IL19: variants seen among roughly 807,000 people sequenced by gnomAD.
IL19 encodes the protein interleukin-19.
A neutral mutation model predicts 19.5 loss-of-function variants in IL19; 15 were observed. The ratio of observed to expected loss-of-function variants is 0.77; its 90% confidence interval spans 0.52 to 1.19. The LOEUF (loss-of-function observed/expected upper bound fraction) is 1.19, where lower values mean the gene tolerates loss of function less well. IL19 is among the 50% of genes most tolerant of loss of function. IL19 has a pLI of 0.00. For missense variants in IL19, 199 were observed against 213.1 expected, an observed-to-expected ratio of 0.93 and a Z score of 0.41; for synonymous variants, 78 against 78.3, an observed-to-expected ratio of 1.00 and a Z score of 0.02.
At chr1:206,800,644 T>A (rs1449818322) in intron 2 of IL19, among the ~76,000 whole-genome samples, 2 of 152,140 alleles carry the variant, frequency 1.3e-5, no homozygotes, top group African/African-American at 4.8e-5. Flanking sequence ...ACAGGAATGA[T>A]GGTGATCAAG....
chr1:206,798,954 G>A lies in IL19; in HGVS notation c.-55G>A, dbSNP rs1675602744. 6.2e-7 allele frequency: 1 copy of A among 1,613,862 alleles called. No individual in the cohort carries two copies. The highest frequency in any genetic ancestry group is 8.5e-7 in the Non-Finnish European group (1 of 1,179,892). ...CGTGTTCCTTACCACTCACACATGTGCACACACATATCCATGTGTGTGTGC... is the reference window on the plus strand; with the variant it reads ...CGTGTTCCTTACCACTCACACATGTACACACACATATCCATGTGTGTGTGC... On this transcript the variant is annotated 5_prime_UTR_variant, in exon 2 of 7. Coordinates refer to ENST00000659997, the MANE Select transcript of IL19 (RefSeq NM_153758.5).
rs760571248 is a variant in IL19 at position 206,836,806 on chromosome 1, C to G, written c.144C>G (p.Ile48Met). 3.1e-6 allele frequency: 5 copies of G among 1,614,086 alleles called. No homozygotes were observed. The highest frequency in any genetic ancestry group is 3.4e-6 in the Non-Finnish European group (4 of 1,179,998). The change falls in exon 3 of 7, where the codon ATC (isoleucine) becomes ATG (methionine). Residue 48 changes from isoleucine to methionine, a missense_variant and splice_region_variant. Coordinates refer to ENST00000659997, the MANE Select transcript of IL19 (RefSeq NM_153758.5). ...GTTTCCAAGAAATCAAAAGAGCCAT[C>G]GTGAGTATGGGTTGGTGTAAAGGTG... ...EESFQEIKRA[I>M]QAKDTFPNVT...
At chr1:206,834,720 T>C (rs1298436916) in intron 2 of IL19, among the ~76,000 whole-genome samples, 1 of 152,212 alleles carries the variant, frequency 6.6e-6, no homozygotes, top group Non-Finnish European at 1.5e-5. Context: ...TTTAATCCTT[T>C]GCAATGTGAA....
At chr1:206,797,176 T>A (rs898220227) in intron 1 of IL19, among the ~76,000 whole-genome samples, 10 of 152,218 alleles carry the variant, frequency 6.6e-5, no homozygotes, top group African/African-American at 2.4e-4. Flanking sequence ...TTAAGTCACT[T>A]GTCCGGGGTC....
chr1:206,833,113 A>G (rs566222529), intron 2 of IL19, among the ~76,000 whole-genome samples: 1 of 152,338 alleles, frequency 6.6e-6, no homozygotes, highest in Non-Finnish European at 1.5e-5. Flanking sequence ...CAAAATTACA[A>G]CACATTTAGT....
At chr1:206,840,305 C>T (rs187133976) in intron 5 of IL19, 2 of 494,668 alleles carry the variant, frequency 4.0e-6, no homozygotes, top group African/African-American at 1.9e-5. Flanking sequence ...GTAAGCATAC[C>T]CCTGGTTTCT....
intron 2 of IL19, among the ~76,000 whole-genome samples, chr1:206,809,701 G>T (rs2102466655): frequency 6.6e-6 from 1 of 152,308 alleles, no homozygotes. Flanking sequence ...GTAGCAGCCT[G>T]GGTGCATTAG....
intron 5 of IL19, chr1:206,840,760 G>A: frequency 3.9e-6 from 2 of 511,162 alleles, no homozygotes; most frequent in East Asian, 3.2e-5. Context: ...CAGATATGGT[G>A]CCTGCTTTCC....
intron 1 of IL19, among the ~76,000 whole-genome samples, chr1:206,786,214 A>G (rs773614476): frequency 5.9e-5 from 9 of 152,354 alleles, no homozygotes; most frequent in East Asian, 1.9e-4. Flanking sequence ...AATGCTTGTC[A>G]TAGTGCACGG....
At chr1:206,834,290 C>A (rs1042728176) in intron 2 of IL19, 201 of 985,426 alleles carry the variant, frequency 2.0e-4, no homozygotes, top group Non-Finnish European at 2.3e-4. Context: ...ACCCAGCAAA[C>A]CTTGACAGCA....
chr1:206,796,130 A>G (rs550751612), intron 1 of IL19, among the ~76,000 whole-genome samples: 16 of 152,254 alleles, frequency 1.1e-4, no homozygotes, highest in South Asian at 4.1e-4. Context: ...CCTAAGAACC[A>G]GAAGCTCCCA....
chr1:206,818,559 G>A (rs974195564), intron 2 of IL19, among the ~76,000 whole-genome samples: 1 of 152,210 alleles, frequency 6.6e-6, no homozygotes, highest in Admixed American at 6.5e-5. Context: ...GTGGGTGAGA[G>A]GGTAGGAGAA....
At chr1:206,826,613 G>T (rs920352294) in intron 2 of IL19, among the ~76,000 whole-genome samples, 1 of 152,188 alleles carries the variant, frequency 6.6e-6, no homozygotes, top group African/African-American at 2.4e-5. Flanking sequence ...GGGCTCTGGG[G>T]TGAAGCCCTC....
chr1:206,827,563 G>A lies in IL19; in HGVS notation c.-2-9098G>A, dbSNP rs537296350. ...AAATTAGCCAGGCGAGGTGGTGGGC[G>A]CCTGTAGTCCCAGCTACTCGGGAGG... On this transcript the variant is annotated intron_variant, in intron 2 of 6. Transcript: ENST00000659997. Among the ~76,000 whole-genome samples the A allele has an allele frequency of 2.6e-5, 4 of 152,102 alleles. No homozygotes were observed. In the South Asian group the frequency reaches 6.2e-4, roughly 24 times the overall value.
intron 2 of IL19, among the ~76,000 whole-genome samples, chr1:206,804,904 A>G (rs61814960): frequency 0.15 from 22,914 of 152,250 alleles, 2,380 homozygotes; most frequent in Non-Finnish European, 0.23. Flanking sequence ...TGAATCCCAG[A>G]GAAATGCTCT....
chr1:206,824,438 A>G (rs1440213157), intron 2 of IL19, among the ~76,000 whole-genome samples: 1 of 152,254 alleles, frequency 6.6e-6, no homozygotes, highest in Non-Finnish European at 1.5e-5. Context: ...GGAATAGAGG[A>G]AAACATAGAC....
chr1:206,829,907 GA>G (rs1676543844), intron 2 of IL19, among the ~76,000 whole-genome samples: 1 of 152,238 alleles, frequency 6.6e-6, no homozygotes, highest in Non-Finnish European at 1.5e-5. Flanking sequence ...AGTACAGGCT[GA>G]AGTGGCATAG....
At position 206,814,512 on chromosome 1, in the gene IL19, G is replaced by A. The variant is rs750409053; in HGVS notation, c.-3+15506G>A. Among the ~76,000 whole-genome samples, 11 of 148,968 alleles carry A rather than the reference G, an allele frequency of 7.4e-5. No homozygotes were observed. In the South Asian group the frequency reaches 2.0e-3, roughly 27 times the overall value. ...TCGAGATCAGCCTAACCAATATGGC[G>A]AAACCCTGTCTCTACTAAAAACACA... On this transcript the variant is annotated intron_variant, in intron 2 of 6. Coordinates refer to ENST00000659997, the MANE Select transcript of IL19 (RefSeq NM_153758.5).
chr1:206,837,152 T>C, intron 4 of IL19, 129 bp downstream of exon 4: 1 of 735,734 alleles, frequency 1.4e-6, no homozygotes, highest in Non-Finnish European at 2.2e-6. Context: ...TGCACCAGGC[T>C]TCTTTGTCAG....
Sources: allele counts gnomAD v4.1 joint callset (sites outside exome capture counted in the v4.1 genomes callset), GRCh38; gene constraint gnomAD v4.1.1; transcripts MANE v1.5; gene names NCBI Gene and HGNC (gene_info 2026-07-23, HGNC 2026-07-21).